Variants in EPCIP observed in about 807,000 individuals in gnomAD.
EPCIP encodes the protein exosomal polycystin 1 interacting protein.
the EPCIP span, among the ~76,000 whole-genome samples, chr21:32,807,274 G>A: frequency 6.6e-6 from 1 of 150,578 alleles, no homozygotes; most frequent in Admixed American, 6.6e-5. Context: ...TTATCCAAAT[G>A]AGTCCCTACA....
At chr21:32,805,039 A>G in the EPCIP span, among the ~76,000 whole-genome samples, 11 of 152,328 alleles carry the variant, frequency 7.2e-5, no homozygotes, top group Non-Finnish European at 1.3e-4. Context: ...TACAGATGCT[A>G]TTAAATTAAG....
At chr21:32,802,675 T>C in the EPCIP span, among the ~76,000 whole-genome samples, 2,116 of 152,232 alleles carry the variant, frequency 0.014, 21 homozygotes, top group Non-Finnish European at 0.021. Context: ...GAATGTAGGA[T>C]TGAGAAGGTG....
At chr21:32,793,853 G>T in the EPCIP span, 1 of 1,613,998 alleles carries the variant, frequency 6.2e-7, no homozygotes, top group South Asian at 1.1e-5. Context: ...GGCAATGCTG[G>T]TAACGTTTTC....
At chr21:32,806,467 GAAAT>G in the EPCIP span, among the ~76,000 whole-genome samples, 2 of 152,164 alleles carry the variant, frequency 1.3e-5, no homozygotes, top group African/African-American at 2.4e-5. Flanking sequence ...GCACCTAGAG[GAAAT>G]TCTGTTTTGT....
chr21:32,793,707 C>G, the EPCIP span: 6 of 1,535,222 alleles, frequency 3.9e-6, no homozygotes, highest in Non-Finnish European at 5.4e-6. Flanking sequence ...CAGATTCCTT[C>G]TGCAAATTAT....
chr21:32,793,756 A>T, the EPCIP span: 3 of 1,613,468 alleles, frequency 1.9e-6, no homozygotes, highest in Non-Finnish European at 2.5e-6. Context: ...GGACACAGTT[A>T]TTATGCTAGT....
chr21:32,806,867 T>C, the EPCIP span, among the ~76,000 whole-genome samples: 1 of 152,144 alleles, frequency 6.6e-6, no homozygotes, highest in Non-Finnish European at 1.5e-5. Context: ...CTGGGTAATT[T>C]ACAAAAGAAA....
At chr21:32,796,761 C>A in the EPCIP span, among the ~76,000 whole-genome samples, 2 of 152,134 alleles carry the variant, frequency 1.3e-5, no homozygotes, top group Non-Finnish European at 2.9e-5. Flanking sequence ...AATCAGCTGT[C>A]CCAGATTCCA....
At chr21:32,807,046 G>A in the EPCIP span, among the ~76,000 whole-genome samples, 2 of 152,118 alleles carry the variant, frequency 1.3e-5, no homozygotes, top group African/African-American at 4.8e-5. Context: ...CCACAAGAAC[G>A]TTATTGGGAA....
the EPCIP span, among the ~76,000 whole-genome samples, chr21:32,803,024 G>T: frequency 5.9e-5 from 9 of 152,190 alleles, no homozygotes; most frequent in African/African-American, 2.2e-4. Flanking sequence ...TCAGAGTTAG[G>T]AGCCTCTGGG....
the EPCIP span, among the ~76,000 whole-genome samples, chr21:32,803,499 C>G: frequency 6.6e-6 from 1 of 152,142 alleles, no homozygotes; most frequent in Non-Finnish European, 1.5e-5. Context: ...GGATGAGATG[C>G]CCACACAGGC....
chr21:32,801,105 T>G, the EPCIP span, among the ~76,000 whole-genome samples: 1 of 152,166 alleles, frequency 6.6e-6, no homozygotes, highest in Non-Finnish European at 1.5e-5. Flanking sequence ...CCGACGGCCC[T>G]AGAAGATGGC....
At chr21:32,808,608 T>C in the EPCIP span, among the ~76,000 whole-genome samples, 1 of 152,202 alleles carries the variant, frequency 6.6e-6, no homozygotes, top group Non-Finnish European at 1.5e-5. Flanking sequence ...AGTTTTAAAA[T>C]GCTTCCTGGG....
At chr21:32,791,222 G>A in the EPCIP span, 1 of 152,150 alleles carries the variant, frequency 6.6e-6, no homozygotes, top group African/African-American at 2.4e-5. Flanking sequence ...CCTCAGGCTT[G>A]ATTTATAACT....
At chr21:32,805,887 A>G in the EPCIP span, among the ~76,000 whole-genome samples, 2 of 151,366 alleles carry the variant, frequency 1.3e-5, no homozygotes, top group East Asian at 3.9e-4. Context: ...GAATAGTCAC[A>G]CTATGTTGGA....
At chr21:32,808,498 G>A in the EPCIP span, among the ~76,000 whole-genome samples, 1 of 152,012 alleles carries the variant, frequency 6.6e-6, no homozygotes, top group African/African-American at 2.4e-5. Context: ...ATTCGATTTT[G>A]GACAAAAATA....
At chr21:32,803,094 T>C in the EPCIP span, among the ~76,000 whole-genome samples, 8 of 152,132 alleles carry the variant, frequency 5.3e-5, 1 homozygote, top group Non-Finnish European at 2.9e-5. Context: ...TGGCAAACTA[T>C]GGAGTAGGTG....
the EPCIP span, chr21:32,794,335 GTTC>G: frequency 6.2e-7 from 1 of 1,614,226 alleles, no homozygotes; most frequent in Non-Finnish European, 8.5e-7. Flanking sequence ...TGAGCGTGCT[GTTC>G]TTCTGACCTT....
chr21:32,808,013 T>C, the EPCIP span, among the ~76,000 whole-genome samples: 2 of 152,258 alleles, frequency 1.3e-5, no homozygotes, highest in Admixed American at 6.5e-5. Context: ...TTCCATCTTA[T>C]GCCACACACC....
Sources: gnomAD v4.1 joint callset for allele counts (sites outside exome capture counted in the v4.1 genomes callset) on GRCh38, gnomAD v4.1.1 for gene constraint, MANE v1.5 for transcripts, NCBI Gene and HGNC (gene_info 2026-07-23, HGNC 2026-07-21) for gene names.